Variants in POU6F2 observed in about 807,000 individuals in gnomAD.
The protein encoded by POU6F2 is POU domain, class 6, transcription factor 2.
POU6F2 carries 31 observed loss-of-function variants against 71.3 expected under a neutral mutation model. The ratio of observed to expected loss-of-function variants is 0.43; its 90% CI spans 0.33 to 0.59. The LOEUF is 0.59. Among genes scored for constraint, POU6F2 ranks in the 20% least tolerant of loss-of-function variants. POU6F2 has a pLI of 0.04. For synonymous variants in POU6F2, 347 were observed against 355.7 expected (o/e 0.98, Z 0.27); for missense variants, 783 against 856.8 (o/e 0.91, Z 1.07).
Position 39,380,517 on chromosome 7 carries a change from A to G in POU6F2, c.973-26083A>G, listed in dbSNP as rs531839311. 2.6e-5 allele frequency among the ~76,000 whole-genome samples: 4 copies of G among 152,328 alleles called. No homozygotes were observed. In the South Asian group the frequency reaches 6.2e-4, roughly 24 times the overall value. ...GATGCTCTGAAAACTCCTTATTTTC[A>G]GATTAGCACTGCTTCTATTACAAAT... On this transcript the variant is annotated intron_variant, in intron 5 of 9. Coordinates refer to ENST00000518318, the MANE Select transcript of POU6F2 (RefSeq NM_001370959.1).
chr7:39,161,722 G>A (rs1464839747), intron 2 of POU6F2, among the ~76,000 whole-genome samples: 1 of 152,128 alleles, frequency 6.6e-6, no homozygotes, highest in Non-Finnish European at 1.5e-5. Flanking sequence ...TGATACAAAA[G>A]CGGTACTATG....
intron 4 of POU6F2, among the ~76,000 whole-genome samples, chr7:39,304,288 G>C (rs1785010452): frequency 6.6e-6 from 1 of 152,170 alleles, no homozygotes; most frequent in Admixed American, 6.5e-5. Context: ...GCAAAGACAT[G>C]AAAGAGAAAA....
intron 2 of POU6F2, among the ~76,000 whole-genome samples, chr7:39,159,213 T>C (rs1792935855): frequency 6.6e-6 from 1 of 152,028 alleles, no homozygotes; most frequent in Non-Finnish European, 1.5e-5. Flanking sequence ...CCATTTCAGA[T>C]GCCCTCCTCC....
At position 39,154,287 on chromosome 7, in the gene POU6F2, A is replaced by C. The variant is rs147987865; in HGVS notation, c.278-49948A>C. On this transcript the variant is annotated intron_variant, in intron 2 of 9. Transcript: ENST00000518318. Reference sequence around the variant, plus strand: ...CAGCATGCGCTTTGGAGTAAGGTAGACCTGGGTTTGCTTCCTGCTTCCACT... The same window carrying C: ...CAGCATGCGCTTTGGAGTAAGGTAGCCCTGGGTTTGCTTCCTGCTTCCACT... Among the ~76,000 whole-genome samples the C allele has an allele frequency of 2.9e-3, 436 of 152,136 alleles. 1 individual carries two copies. The highest frequency in any genetic ancestry group is 9.9e-3 in the African/African-American group (413 of 41,522).
intron 2 of POU6F2, among the ~76,000 whole-genome samples, chr7:39,143,264 C>T (rs1792544134): frequency 1.3e-5 from 2 of 152,152 alleles, no homozygotes. Flanking sequence ...GAAATGATTA[C>T]CTCATTGTGT....
intron 7 of POU6F2, among the ~76,000 whole-genome samples, chr7:39,446,856 C>T (rs1788534893): frequency 6.6e-6 from 1 of 152,196 alleles, no homozygotes; most frequent in Non-Finnish European, 1.5e-5. Flanking sequence ...CCTATTTACA[C>T]TGGGCTCACA....
chr7:39,240,801 G>A (rs930334779), intron 4 of POU6F2, among the ~76,000 whole-genome samples: 1 of 152,070 alleles, frequency 6.6e-6, no homozygotes, highest in African/African-American at 2.4e-5. Flanking sequence ...TGACTCTTGC[G>A]AGTAAAAGAT....
chr7:39,145,430 A>C (rs1204356162), intron 2 of POU6F2, among the ~76,000 whole-genome samples: 1 of 152,226 alleles, frequency 6.6e-6, no homozygotes, highest in Non-Finnish European at 1.5e-5. Flanking sequence ...AACCTGCCTG[A>C]GCAGAGAGAA....
intron 1 of POU6F2, among the ~76,000 whole-genome samples, chr7:39,040,492 A>C (rs1790171284): frequency 6.6e-6 from 1 of 151,658 alleles, no homozygotes; most frequent in Non-Finnish European, 1.5e-5. Context: ...TGGAATGAAA[A>C]TTTTCTGTAC....
chr7:39,299,876 C>T (rs1025914693), intron 4 of POU6F2, among the ~76,000 whole-genome samples: 1 of 152,210 alleles, frequency 6.6e-6, no homozygotes, highest in South Asian at 2.1e-4. Context: ...GCATGTGCCC[C>T]GAGGCAGCTT....
intron 1 of POU6F2, among the ~76,000 whole-genome samples, chr7:39,019,407 T>C (rs1789628308): frequency 6.6e-6 from 1 of 152,164 alleles, no homozygotes; most frequent in African/African-American, 2.4e-5. Context: ...TTTATAAGAA[T>C]GTTCTTAGAT....
chr7:39,240,150 T>C (rs1476672882), intron 4 of POU6F2, among the ~76,000 whole-genome samples: 2 of 152,138 alleles, frequency 1.3e-5, no homozygotes, highest in African/African-American at 4.8e-5. Flanking sequence ...AGCATTCTAC[T>C]GAAAGGACCC....
At chr7:38,999,624 C>G (rs764298092) in intron 1 of POU6F2, among the ~76,000 whole-genome samples, 18 of 152,178 alleles carry the variant, frequency 1.2e-4, no homozygotes, top group Admixed American at 6.5e-5. Context: ...GAGGTGACAA[C>G]TGTACAATCT....
intron 7 of POU6F2, among the ~76,000 whole-genome samples, chr7:39,448,833 A>G (rs1054686764): frequency 6.6e-6 from 1 of 152,256 alleles, no homozygotes; most frequent in East Asian, 1.9e-4. Context: ...GCTTTTGCCA[A>G]GTAACAGTAT....
chr7:39,454,683 T>TAAAATAAG (rs1562559038), intron 8 of POU6F2, among the ~76,000 whole-genome samples: 4 of 14,972 alleles, frequency 2.7e-4, no homozygotes, highest in African/African-American at 1.9e-3. Flanking sequence ...TATATATATA[T>TAAAATAAG]ATATATATAT....
Position 39,464,550 on chromosome 7 carries a change from A to AC in POU6F2, c.2029dup (p.Arg677ProfsTer5). ...GAAATTGCTGAGAAGCTGAACTATGACCGAGAAGTAGTTAGAGTTTGGTTC... is the reference window on the plus strand; with the variant it reads ...GAAATTGCTGAGAAGCTGAACTATGACCCGAGAAGTAGTTAGAGTTTGGTTC... On this transcript the variant is annotated frameshift_variant, in exon 10 of 10. Coordinates refer to ENST00000518318, the MANE Select transcript of POU6F2 (RefSeq NM_001370959.1). LOFTEE classifies it high-confidence loss of function. The surrounding 1 kb of genome is among the most constrained non-coding windows in gnomAD (Gnocchi z 4.1). 6.2e-7 allele frequency: 1 copy of AC among 1,613,144 alleles called. No individual in the cohort carries two copies. The highest frequency in any genetic ancestry group is 1.6e-4 in the Middle Eastern group (1 of 6,062).
chr7:39,137,236 C>T (rs1488356281), intron 2 of POU6F2, among the ~76,000 whole-genome samples: 1 of 151,948 alleles, frequency 6.6e-6, no homozygotes, highest in Non-Finnish European at 1.5e-5. Flanking sequence ...CAAAATATCA[C>T]TCTGTATTTT....
rs879328908 is a variant in POU6F2, at chr7:39,381,300, C to T, written c.973-25300C>T. Among the ~76,000 whole-genome samples the T allele has an allele frequency of 1.1e-4, 16 of 152,262 alleles. 1 individual carries two copies. Among genetic ancestry groups the T allele is most frequent in the East Asian group, 5.8e-4 (3 of 5,166 alleles). ...TTGCCCCAGCTGGAGCGCAGTAGCA[C>T]GATCTTGGCTCACTGCAACCTCTGC... On this transcript the variant is annotated intron_variant, in intron 5 of 9. Transcript: ENST00000518318.
At chr7:39,238,573 G>T (rs1334887471) in intron 4 of POU6F2, among the ~76,000 whole-genome samples, 1 of 152,166 alleles carries the variant, frequency 6.6e-6, no homozygotes, top group African/African-American at 2.4e-5. Flanking sequence ...TTGCCATCTG[G>T]CCTTTTCCGG....
Sources: allele counts gnomAD v4.1 joint callset (sites outside exome capture counted in the v4.1 genomes callset), GRCh38; gene constraint gnomAD v4.1.1; non-coding constraint Gnocchi (gnomAD v3.1); transcripts MANE v1.5; gene names NCBI Gene and HGNC (gene_info 2026-07-23, HGNC 2026-07-21).